ERICH3: variants seen among roughly 807,000 people sequenced by gnomAD.
ERICH3 encodes glutamate-rich protein 3.
Under a neutral mutation model 131.1 loss-of-function variants are expected in ERICH3, and 126 were observed. That is an observed-to-expected ratio of 0.96 (90% CI 0.83 to 1.11). The LOEUF (loss-of-function observed/expected upper bound fraction) is 1.11, where lower values mean the gene tolerates loss of function less well. Among genes scored for constraint, ERICH3 ranks in the 50% most tolerant of loss-of-function variants. The pLI is 0.00. For synonymous variants in ERICH3, 695 were observed against 644.6 expected, an observed-to-expected ratio of 1.08 and a Z score of -1.18; for missense variants, 2,050 against 1,810.7, an observed-to-expected ratio of 1.13 and a Z score of -2.40.
intron 1 of ERICH3, among the ~76,000 whole-genome samples, chr1:74,658,052 A>T (rs1646602441): frequency 1.3e-5 from 2 of 152,174 alleles, no homozygotes; most frequent in South Asian, 4.1e-4. Context: ...TAATATACAC[A>T]ATCTTGTGAA....
chr1:74,589,359 T>C, intron 12 of ERICH3: 1 of 542,576 alleles, frequency 1.8e-6, no homozygotes, highest in Non-Finnish European at 3.2e-6. Context: ...CTTTATTTCA[T>C]TCCTGAGATG....
chr1:74,636,463 C>T, intron 5 of ERICH3, 25 bp from the exon 6 acceptor site: 8 of 1,584,030 alleles, frequency 5.1e-6, no homozygotes, highest in Non-Finnish European at 6.9e-6. Context: ...GAAAAAATTC[C>T]ATTTAAATTA....
intron 12 of ERICH3, chr1:74,578,140 A>C (rs1647103209): frequency 6.6e-6 from 1 of 152,524 alleles, no homozygotes; most frequent in Non-Finnish European, 1.5e-5. Context: ...GCTTTGGCCT[A>C]AGCCAACGCC....
rs1390192621 is a variant in ERICH3, at chr1:74,653,041, G to A, written c.24-3726C>T. On this transcript the variant is annotated intron_variant, in intron 1 of 14. Coordinates refer to ENST00000326665, the MANE Select transcript of ERICH3 (RefSeq NM_001002912.5). ...GAGGAGCCAAAGCTGAGTCACCGGG[G>A]TGCTACCTTCCCAGCTGCGGCCTTT... Among the ~76,000 whole-genome samples the A allele has an allele frequency of 2.0e-5, 3 of 152,134 alleles. No homozygotes were observed. In the East Asian group the frequency reaches 5.8e-4, roughly 30 times the overall value.
At position 74,605,063 on chromosome 1, in the gene ERICH3, C is replaced by T. The variant is rs77163526; in HGVS notation, c.1489+1538G>A. Among the ~76,000 whole-genome samples the T allele has an allele frequency of 8.3e-3, 1,259 of 152,086 alleles. 15 individuals carry two copies. The highest frequency in any genetic ancestry group is 0.029 in the African/African-American group (1,191 of 41,518). The stretch of plus-strand genomic sequence containing the variant: ...TAGCTACATTTATAAATGATCTTCG[C>T]TAGGTCTTCTGGATAAAATTGCAGC... On this transcript the variant is annotated intron_variant, in intron 10 of 14. Coordinates refer to ENST00000326665, the MANE Select transcript of ERICH3 (RefSeq NM_001002912.5).
At chr1:74,659,717 T>G (rs1387276138) in intron 1 of ERICH3, among the ~76,000 whole-genome samples, 1 of 152,184 alleles carries the variant, frequency 6.6e-6, no homozygotes, top group Non-Finnish European at 1.5e-5. Context: ...TGTATCAGAT[T>G]ATTATCCCAT....
intron 13 of ERICH3, among the ~76,000 whole-genome samples, chr1:74,573,987 T>C (rs561610522): frequency 4.0e-5 from 6 of 151,150 alleles, no homozygotes; most frequent in African/African-American, 7.3e-5. Context: ...TTGTCTCTTT[T>C]TCTCTCTTTT....
chr1:74,636,805 G>T (rs560905261), intron 5 of ERICH3, among the ~76,000 whole-genome samples: 14 of 152,094 alleles, frequency 9.2e-5, no homozygotes, highest in Admixed American at 2.6e-4. Context: ...TCCTATTTTA[G>T]GGGTCTAAAA....
At chr1:74,652,444 A>G (rs11210493) in intron 1 of ERICH3, among the ~76,000 whole-genome samples, 7,341 of 152,202 alleles carry the variant, frequency 0.048, 597 homozygotes, top group African/African-American at 0.17. Context: ...ACCCAGTTAC[A>G]AGAGCTCACT....
At chr1:74,570,666 G>A (rs1646926343) in intron 14 of ERICH3, among the ~76,000 whole-genome samples, 1 of 152,092 alleles carries the variant, frequency 6.6e-6, no homozygotes, top group African/African-American at 2.4e-5. Context: ...AAAGCATAGG[G>A]CCCACTTAAA....
intron 12 of ERICH3, among the ~76,000 whole-genome samples, chr1:74,583,875 T>G (rs75509749): frequency 0.011 from 1,705 of 152,272 alleles, 32 homozygotes; most frequent in African/African-American, 0.038. Context: ...CCTATACTGT[T>G]TTAAACAAAC....
At chr1:74,642,829 G>C (rs1241076201) in intron 4 of ERICH3, among the ~76,000 whole-genome samples, 198 bp downstream of exon 4, 2 of 152,068 alleles carry the variant, frequency 1.3e-5, no homozygotes, top group Non-Finnish European at 2.9e-5. Context: ...AATTTATTTT[G>C]TACAAACAGC....
chr1:74,672,838 T>A (rs11210495), intron 1 of ERICH3, among the ~76,000 whole-genome samples: 31,912 of 151,770 alleles, frequency 0.21, 4,422 homozygotes, highest in East Asian at 0.63. Context: ...ACATTGAAAA[T>A]TGCCAAAATA....
At chr1:74,618,239 T>C (rs1007557670) in intron 8 of ERICH3, among the ~76,000 whole-genome samples, 1 of 152,168 alleles carries the variant, frequency 6.6e-6, no homozygotes, top group African/African-American at 2.4e-5. Context: ...GACTGAAAGC[T>C]ATTGGGATAA....
chr1:74,641,471 A>G lies in ERICH3; in HGVS notation c.316-12T>C. On this transcript the variant is annotated splice_polypyrimidine_tract_variant and intron_variant, in intron 4 of 14. Transcript: ENST00000326665. ...CTTGTGTGCTCTCCCTAGAATAAGA[A>G]AGCAATTTAGCAAATAGATGCATAG... is the stretch of plus-strand genomic sequence containing the variant. 6.2e-7 allele frequency: 1 copy of G among 1,609,110 alleles called. No individual in the cohort carries two copies.
intron 5 of ERICH3, 50 bp downstream of exon 5, chr1:74,641,281 T>C: frequency 6.3e-7 from 1 of 1,589,922 alleles, no homozygotes; most frequent in Admixed American, 1.8e-5. Flanking sequence ...TAAGAAATAA[T>C]AAATTAATTA....
At chr1:74,597,159 A>G (rs960911409) in intron 11 of ERICH3, among the ~76,000 whole-genome samples, 1 of 152,112 alleles carries the variant, frequency 6.6e-6, no homozygotes, top group African/African-American at 2.4e-5. Flanking sequence ...GGAATCCATC[A>G]TGTCATTATC....
chr1:74,660,415 G>A (rs1646629450), intron 1 of ERICH3, among the ~76,000 whole-genome samples: 1 of 151,542 alleles, frequency 6.6e-6, no homozygotes, highest in African/African-American at 2.4e-5. Flanking sequence ...TTACCATTGT[G>A]TGTCAAATAT....
At chr1:74,587,250 G>A (rs1431967322) in intron 12 of ERICH3, among the ~76,000 whole-genome samples, 6 of 149,702 alleles carry the variant, frequency 4.0e-5, no homozygotes, top group Non-Finnish European at 7.4e-5. Context: ...GCTTGAACCC[G>A]GGAGGCAGAG....
Sources: gnomAD v4.1 joint callset for allele counts (sites outside exome capture counted in the v4.1 genomes callset) on GRCh38, gnomAD v4.1.1 for gene constraint, MANE v1.5 for transcripts, NCBI Gene and HGNC (gene_info 2026-07-23, HGNC 2026-07-21) for gene names.